Variants in CDK5RAP2 observed in about 807,000 individuals in gnomAD.
CDK5RAP2 encodes the protein CDK5 regulatory subunit associated protein 2, also known as CDK5 regulatory subunit-associated protein 2.
A neutral mutation model predicts 232.9 loss-of-function variants in CDK5RAP2; 147 were observed. That is an observed-to-expected ratio of 0.63 (90% CI 0.55 to 0.72). CDK5RAP2 has a LOEUF of 0.72. CDK5RAP2 is among the 30% of genes least tolerant of loss of function. The pLI, the probability that CDK5RAP2 is intolerant of heterozygous loss-of-function variation, is 0.00. For missense variants in CDK5RAP2, 2,195 were observed against 2,231.5 expected, an observed-to-expected ratio of 0.98 and a Z score of 0.33; for synonymous variants, 833 against 833.7, an observed-to-expected ratio of 1.00 and a Z score of 0.01.
At chr9:120,487,573 C>G in intron 13 of CDK5RAP2, 136 bp from the exon 14 acceptor site, 1 of 678,298 alleles carries the variant, frequency 1.5e-6, no homozygotes, top group Non-Finnish European at 2.4e-6. Flanking sequence ...TTCATCATTC[C>G]AAAATACTAG....
chr9:120,411,719 G>A (rs1354812159), intron 28 of CDK5RAP2, among the ~76,000 whole-genome samples: 1 of 152,174 alleles, frequency 6.6e-6, no homozygotes, highest in Non-Finnish European at 1.5e-5. Context: ...CCAGGAGTGG[G>A]ATGAGTGAGT....
In CDK5RAP2 at chr9:120,515,223, T is replaced by C. The variant is rs530438086; in HGVS notation, c.1311+3204A>G. Among the ~76,000 whole-genome samples, 229 of 152,302 alleles carry C rather than the reference T, an allele frequency of 1.5e-3. 1 individual carries two copies. The highest frequency in any genetic ancestry group is 5.4e-3 in the African/African-American group (224 of 41,568). ...AATAGTGAAAGATACAAGAATTGAC[T>C]ATGAAACATGCAGCTCTATAAATGG... On this transcript the variant is annotated intron_variant, in intron 12 of 37. Coordinates refer to ENST00000349780, the MANE Select transcript of CDK5RAP2 (RefSeq NM_018249.6).
chr9:120,530,618 CAAT>C (rs977523068), intron 7 of CDK5RAP2, among the ~76,000 whole-genome samples: 8 of 152,198 alleles, frequency 5.3e-5, no homozygotes, highest in Admixed American at 2.0e-4. Flanking sequence ...AAATATCCAA[CAAT>C]GACACACTGG....
chr9:120,467,977 T>C lies in CDK5RAP2; in HGVS notation c.1989A>G (p.Leu663=), dbSNP rs764522509. 5 of 1,613,954 alleles carry C rather than the reference T, an allele frequency of 3.1e-6. No homozygotes were observed. Among genetic ancestry groups the C allele is most frequent in the Non-Finnish European group, 4.2e-6 (5 of 1,179,846 alleles). ...GGTTGTCTGTATACAGCTCCTTCAC[T>C]AGCTGTATAAGGTCACTGACCTAGG... is the stretch of plus-strand genomic sequence containing the variant. The part of the protein sequence containing the change: ...LKKKVSDLIQ[L]VKELYTDNQH... Residue 663 remains leucine (L), a synonymous_variant, in exon 18 of 38, where the codon CTA becomes CTG. Transcript: ENST00000349780.
At chr9:120,462,768 G>A (rs1263069545) in intron 18 of CDK5RAP2, among the ~76,000 whole-genome samples, 1 of 152,236 alleles carries the variant, frequency 6.6e-6, no homozygotes, top group Non-Finnish European at 1.5e-5. Flanking sequence ...CAGAGGACAT[G>A]CAGGCTCTTG....
At position 120,448,187 on chromosome 9, in the gene CDK5RAP2, T is replaced by A. The variant is rs886753586; in HGVS notation, c.2794-61A>T. The A allele has an allele frequency of 3.0e-6, 4 of 1,325,618 alleles. No homozygotes were observed. In the South Asian group the frequency reaches 3.5e-5, roughly 12 times the overall value. The allele number at this position is 1,325,618 out of a possible 1,614,324, so 82.1% of individuals were successfully genotyped here. A position where few individuals can be genotyped will look rare whatever the true frequency, so the allele number is the denominator to read the frequency against. ...GAACACACTTCCTTTGGTTGCACAG[T>A]CAACATTCTCATGCCAGCCTTATAA... On this transcript the variant is annotated intron_variant, in intron 21 of 37. Coordinates refer to ENST00000349780, the MANE Select transcript of CDK5RAP2 (RefSeq NM_018249.6).
intron 27 of CDK5RAP2, among the ~76,000 whole-genome samples, chr9:120,416,425 C>T (rs561592613): frequency 1.7e-3 from 263 of 152,318 alleles, no homozygotes; most frequent in Non-Finnish European, 2.9e-3. Context: ...TAAATATATA[C>T]TTCACAATAT....
chr9:120,558,159 G>A (rs937147724), intron 3 of CDK5RAP2, among the ~76,000 whole-genome samples: 4 of 147,860 alleles, frequency 2.7e-5, no homozygotes, highest in Non-Finnish European at 6.0e-5. Flanking sequence ...CAGATCATGA[G>A]GTCAAGAGAT....
At chr9:120,433,905 ATG>A (rs2035425216) in intron 25 of CDK5RAP2, among the ~76,000 whole-genome samples, 1 of 152,226 alleles carries the variant, frequency 6.6e-6, no homozygotes, top group Non-Finnish European at 1.5e-5. Flanking sequence ...CTCTCAAAAT[ATG>A]TGTTACGTGT....
In CDK5RAP2 at chr9:120,402,981, C is replaced by A. The variant is rs560602446; in HGVS notation, c.5132G>T (p.Arg1711Leu). Residue 1711 changes from arginine (R) to leucine (L), a missense_variant, in exon 34 of 38, where the codon CGC becomes CTC. Coordinates refer to ENST00000349780, the MANE Select transcript of CDK5RAP2 (RefSeq NM_018249.6). ...SSATSTPCVS[R>L]LVTGHHLWAS... Reference sequence around the variant, plus strand: ...CCACAGGTGGTGGCCAGTGACCAGGCGGGACACACACGGAGTGCTAGTTGC... The same window carrying A: ...CCACAGGTGGTGGCCAGTGACCAGGAGGGACACACACGGAGTGCTAGTTGC... 1.4e-5 allele frequency: 22 copies of A among 1,614,020 alleles called. No homozygotes were observed. The highest frequency in any genetic ancestry group is 3.3e-5 in the Admixed American group (2 of 59,994).
intron 20 of CDK5RAP2, among the ~76,000 whole-genome samples, chr9:120,457,688 A>C (rs2036857124): frequency 1.3e-5 from 2 of 152,252 alleles, no homozygotes; most frequent in African/African-American, 4.8e-5. Context: ...ATCAAGAGTC[A>C]TGGGCAATCA....
chr9:120,421,291 C>T (rs917224431), intron 26 of CDK5RAP2, among the ~76,000 whole-genome samples: 12 of 152,274 alleles, frequency 7.9e-5, no homozygotes, highest in African/African-American at 2.9e-4. Flanking sequence ...AAGAATGGCC[C>T]CACTCTGGGA....
intron 18 of CDK5RAP2, among the ~76,000 whole-genome samples, chr9:120,467,401 G>A (rs1173551150): frequency 6.6e-6 from 1 of 152,110 alleles, no homozygotes; most frequent in Non-Finnish European, 1.5e-5. Flanking sequence ...CAATGTGTCC[G>A]TGGAGACATG....
At chr9:120,578,533 G>A (rs1173636381) in intron 1 of CDK5RAP2, among the ~76,000 whole-genome samples, 2 of 150,162 alleles carry the variant, frequency 1.3e-5, no homozygotes, top group Non-Finnish European at 3.0e-5. Context: ...CTTTATGTCT[G>A]CTGCCCGGGC....
At chr9:120,473,764 C>T (rs1305991324) in intron 15 of CDK5RAP2, among the ~76,000 whole-genome samples, 2 of 152,134 alleles carry the variant, frequency 1.3e-5, no homozygotes, top group Admixed American at 6.5e-5. Flanking sequence ...GGCATTTAAC[C>T]AGGGAGAAAA....
intron 15 of CDK5RAP2, among the ~76,000 whole-genome samples, chr9:120,476,437 T>C (rs1051624885): frequency 1.3e-5 from 2 of 151,884 alleles, no homozygotes; most frequent in Admixed American, 1.3e-4. Flanking sequence ...CCCAGCACTT[T>C]GGGAGGCGGA....
intron 20 of CDK5RAP2, among the ~76,000 whole-genome samples, chr9:120,458,193 C>A (rs928362212): frequency 3.3e-5 from 5 of 152,142 alleles, no homozygotes; most frequent in African/African-American, 9.7e-5. Context: ...TCTGGGGGCT[C>A]CCAGGAATAA....
At chr9:120,413,665 G>C (rs2033994286) in intron 28 of CDK5RAP2, among the ~76,000 whole-genome samples, 1 of 152,180 alleles carries the variant, frequency 6.6e-6, no homozygotes, top group Non-Finnish European at 1.5e-5. Flanking sequence ...AAAACAGAAT[G>C]AATCTAATTC....
intron 1 of CDK5RAP2, among the ~76,000 whole-genome samples, chr9:120,576,848 GGA>G (rs1221662592): frequency 6.6e-6 from 1 of 152,156 alleles, no homozygotes; most frequent in African/African-American, 2.4e-5. Flanking sequence ...GGCAGAAGCA[GGA>G]GGATCACTTG....
Sources: allele counts gnomAD v4.1 joint callset (sites outside exome capture counted in the v4.1 genomes callset), GRCh38; gene constraint gnomAD v4.1.1; transcripts MANE v1.5; gene names NCBI Gene and HGNC (gene_info 2026-07-23, HGNC 2026-07-21).